Variants in COP1 observed in about 807,000 individuals in gnomAD.
The protein encoded by COP1 is E3 ubiquitin-protein ligase COP1.
In COP1, 24 loss-of-function variants were observed where a neutral mutation model predicts 101.3. The ratio of observed to expected loss-of-function variants is 0.24; its 90% confidence interval spans 0.17 to 0.33. The LOEUF is 0.33. Ranked by LOEUF, COP1 falls within the 10% of genes least tolerant of loss-of-function variation. The pLI is 1.00. For missense variants in COP1, 663 were observed against 906.2 expected, an observed-to-expected ratio of 0.73 and a Z score of 3.45; for synonymous variants, 347 against 341.9, an observed-to-expected ratio of 1.01 and a Z score of -0.17.
At chr1:176,178,658 C>T (rs1209318193) in intron 2 of COP1, among the ~76,000 whole-genome samples, 1 of 151,876 alleles carries the variant, frequency 6.6e-6, no homozygotes, top group African/African-American at 2.4e-5. Flanking sequence ...TCGAGACCAG[C>T]CTGCCCAACA....
intron 18 of COP1, among the ~76,000 whole-genome samples, chr1:175,972,419 A>C (rs6657175): frequency 0.97 from 147,672 of 151,832 alleles, 71,958 homozygotes; most frequent in East Asian, 1. Flanking sequence ...CTTAACACAT[A>C]CCATCTGAGG....
At chr1:175,956,177 A>T (rs1650623979) in intron 18 of COP1, among the ~76,000 whole-genome samples, 1 of 152,174 alleles carries the variant, frequency 6.6e-6, no homozygotes, top group Non-Finnish European at 1.5e-5. Flanking sequence ...CAGAAAAGAA[A>T]TTCCAGAAAC....
rs147592036 is a variant in COP1 at position 176,026,435 on chromosome 1, C to A, written c.1729+1137G>T. On this transcript the variant is annotated intron_variant, in intron 15 of 19. Transcript: ENST00000367669. ...CCCAAACAGCTCTACCTCTATGTTA[C>A]AGATAAAAAACTTGGGAGAAAGTTA... Among the ~76,000 whole-genome samples, 398 of 152,064 alleles carry A rather than the reference C, an allele frequency of 2.6e-3. 3 individuals carry two copies. The highest frequency in any genetic ancestry group is 9.2e-3 in the African/African-American group (380 of 41,520).
intron 11 of COP1, among the ~76,000 whole-genome samples, chr1:176,055,131 C>A (rs896774101): frequency 6.6e-6 from 1 of 152,116 alleles, no homozygotes. Flanking sequence ...CTCATCTTCA[C>A]TTTGATAATA....
chr1:176,158,588 T>C (rs931591135), intron 5 of COP1, among the ~76,000 whole-genome samples: 7 of 150,004 alleles, frequency 4.7e-5, no homozygotes, highest in Non-Finnish European at 8.9e-5. Context: ...AATACTACAA[T>C]GGCCAGGAGA....
At position 176,081,142 on chromosome 1, in the gene COP1, C is replaced by G; in HGVS notation, c.1277+10G>C. 1 of 1,582,062 alleles carries G rather than the reference C, an allele frequency of 6.3e-7. No individual in the cohort carries two copies. The highest frequency in any genetic ancestry group is 8.6e-7 in the Non-Finnish European group (1 of 1,162,984). ...TTACAAAAGAAAATAGTAATTTGAC[C>G]AATACTTACCTAGAGACTATACTGG... On this transcript the variant is annotated intron_variant, in intron 11 of 19. Coordinates refer to ENST00000367669, the MANE Select transcript of COP1 (RefSeq NM_022457.7).
At chr1:176,106,006 A>G (rs189407729) in intron 9 of COP1, among the ~76,000 whole-genome samples, 30 of 152,132 alleles carry the variant, frequency 2.0e-4, no homozygotes, top group Non-Finnish European at 1.5e-5. Flanking sequence ...GGAGGAACTT[A>G]GTTTACAGGT....
In COP1 at chr1:176,206,886, T is replaced by G. The variant is rs1700921576; in HGVS notation, c.93A>C (p.Leu31Phe). The G allele has an allele frequency of 6.8e-7, 1 of 1,464,102 alleles. No homozygotes were observed. The allele number at this position is 1,464,102 out of a possible 1,614,324, so 90.7% of individuals were successfully genotyped here. ...CGGAAGGCGGCGACGGGGAAGAGGA[T>G]AAAGACGAGGAGGCGGAAGTCACCG... ...ASSVTSASSS[L>F]SSSPSPPSVA... The change falls in exon 1 of 20, where the codon TTA becomes TTC. Residue 31 changes from leucine to phenylalanine, a missense_variant. Coordinates refer to ENST00000367669, the MANE Select transcript of COP1 (RefSeq NM_022457.7).
chr1:175,989,971 C>T (rs1658020629), intron 15 of COP1, among the ~76,000 whole-genome samples: 1 of 152,058 alleles, frequency 6.6e-6, no homozygotes, highest in Admixed American at 6.6e-5. Context: ...CCATCACAGG[C>T]AGTCTCTATT....
chr1:176,068,728 C>G (rs1287790971), intron 11 of COP1, among the ~76,000 whole-genome samples: 1 of 152,196 alleles, frequency 6.6e-6, no homozygotes, highest in Non-Finnish European at 1.5e-5. Flanking sequence ...TAGTTGCACT[C>G]TAAAGATTTA....
chr1:176,156,285 T>C (rs1423757670), intron 5 of COP1, among the ~76,000 whole-genome samples: 3 of 151,374 alleles, frequency 2.0e-5, no homozygotes, highest in Non-Finnish European at 4.4e-5. Context: ...AACACTAAAA[T>C]TACAATAAAA....
intron 2 of COP1, among the ~76,000 whole-genome samples, chr1:176,184,303 A>C (rs1698176368): frequency 6.6e-6 from 1 of 151,964 alleles, no homozygotes; most frequent in African/African-American, 2.4e-5. Context: ...ACCTATCCCC[A>C]CAAGTGAGTA....
intron 14 of COP1, among the ~76,000 whole-genome samples, chr1:176,028,696 CATATATATATATATATAT>C (rs369887649): frequency 2.1e-4 from 10 of 47,906 alleles, no homozygotes; most frequent in East Asian, 1.3e-3. Context: ...ATATTTGTTT[CATATATATATATATATAT>C]ATATATATAT....
At chr1:176,160,494 T>C (rs997370166) in intron 5 of COP1, among the ~76,000 whole-genome samples, 1 of 151,738 alleles carries the variant, frequency 6.6e-6, no homozygotes, top group Non-Finnish European at 1.5e-5. Context: ...ACCTACAGAA[T>C]GGGGAAAAAT....
chr1:176,067,299 G>A (rs1401571833), intron 11 of COP1, among the ~76,000 whole-genome samples: 2 of 152,166 alleles, frequency 1.3e-5, no homozygotes, highest in African/African-American at 2.4e-5. Flanking sequence ...CTGTGCCCAC[G>A]GACTAAGGTG....
intron 14 of COP1, among the ~76,000 whole-genome samples, chr1:176,042,606 C>G (rs1375777958): frequency 6.7e-6 from 1 of 149,326 alleles, no homozygotes; most frequent in Non-Finnish European, 1.5e-5. Context: ...TGGTACACAC[C>G]TATAATCCCA....
intron 9 of COP1, among the ~76,000 whole-genome samples, chr1:176,087,644 T>C (rs535576853): frequency 3.9e-5 from 6 of 152,332 alleles, no homozygotes; most frequent in African/African-American, 1.4e-4. Flanking sequence ...GGAACGCTTT[T>C]ACACTGTTGG....
At position 176,034,651 on chromosome 1, in the gene COP1, G is replaced by A. The variant is rs142100060; in HGVS notation, c.1613-6963C>T. Among the ~76,000 whole-genome samples the A allele has an allele frequency of 2.6e-3, 399 of 152,278 alleles. 3 individuals are homozygous for A. The highest frequency in any genetic ancestry group is 9.2e-3 in the African/African-American group (381 of 41,550). ...AACCTGGAAAGAAAGTAATGGAGAA[G>A]GAGATTCTACAGTTCTGTGCATTCA... On this transcript the variant is annotated intron_variant, in intron 14 of 19. Transcript: ENST00000367669.
At chr1:176,025,822 C>A (rs377224201) in intron 15 of COP1, among the ~76,000 whole-genome samples, 1 of 151,840 alleles carries the variant, frequency 6.6e-6, no homozygotes, top group Admixed American at 6.6e-5. Flanking sequence ...CCAGGGAGGA[C>A]CAGGCTGCAG....
Sources: gnomAD v4.1 joint callset for allele counts (sites outside exome capture counted in the v4.1 genomes callset) on GRCh38, gnomAD v4.1.1 for gene constraint, MANE v1.5 for transcripts, NCBI Gene and HGNC (gene_info 2026-07-23, HGNC 2026-07-21) for gene names.